Variants in BICRAL observed in about 807,000 individuals in gnomAD.
BICRAL encodes BRD4-interacting chromatin-remodeling complex-associated protein-like.
BICRAL carries 8 observed loss-of-function variants against 91.8 expected under a neutral mutation model. The observed-to-expected ratio is 0.09, with a 90% CI of 0.05 to 0.16. The LOEUF is 0.16. Ranked by LOEUF, BICRAL falls within the 10% of genes least tolerant of loss-of-function variation. BICRAL has a pLI of 1.00. For missense variants in BICRAL, 1,038 were observed against 1,310.9 expected (o/e 0.79, Z 3.21); for synonymous variants, 445 against 491.1 (o/e 0.91, Z 1.24).
At chr6:42,760,448 T>C (rs1762527839) in intron 1 of BICRAL, among the ~76,000 whole-genome samples, 1 of 152,020 alleles carries the variant, frequency 6.6e-6, no homozygotes, top group South Asian at 2.1e-4. Flanking sequence ...TTTGCTTAGC[T>C]GATCAGGAAA....
At chr6:42,788,877 G>A (rs1229347690) in intron 1 of BICRAL, among the ~76,000 whole-genome samples, 2 of 152,112 alleles carry the variant, frequency 1.3e-5, no homozygotes, top group East Asian at 3.9e-4. Context: ...CCAGTCAGCT[G>A]AGTTAGTTGT....
rs142424115 is a variant in BICRAL, at chr6:42,784,733, C to G, written c.-102+2632C>G. On this transcript the variant is annotated intron_variant, in intron 1 of 12. Coordinates refer to ENST00000314073, the MANE Select transcript of BICRAL (RefSeq NM_001393499.1). ...TACACCTATGGTTTCCAAATGTGAG[C>G]ATCAGAATTAATTTGGGAGATGTTT... Among the ~76,000 whole-genome samples, 5 of 152,310 alleles carry G rather than the reference C, an allele frequency of 3.3e-5. No homozygotes were observed. In the East Asian group the frequency reaches 9.6e-4, roughly 29 times the overall value.
intron 5 of BICRAL, among the ~76,000 whole-genome samples, chr6:42,823,832 G>C (rs1302909142): frequency 6.6e-6 from 1 of 152,104 alleles, no homozygotes. Flanking sequence ...GCCTGTGGCA[G>C]AGAATTGCAT....
At position 42,829,350 on chromosome 6, in the gene BICRAL, A is replaced by G; in HGVS notation, c.1017A>G (p.Gln339=). ...TGGGAATTCAGCAGCACCACGTACAACAAGGGATCTCTTTTGCTTCTGCAA... is the reference window on the plus strand; with the variant it reads ...TGGGAATTCAGCAGCACCACGTACAGCAAGGGATCTCTTTTGCTTCTGCAA... ...NNLGIQQHHV[Q]QGISFASASS... Residue 339 remains glutamine (Q), a synonymous_variant, in exon 6 of 13, where the codon CAA becomes CAG. Coordinates refer to ENST00000314073, the MANE Select transcript of BICRAL (RefSeq NM_001393499.1). 1 of 1,614,258 alleles carries G rather than the reference A, an allele frequency of 6.2e-7. No individual in the cohort carries two copies. Among genetic ancestry groups the G allele is most frequent in the Non-Finnish European group, 8.5e-7 (1 of 1,180,042 alleles).
chr6:42,802,778 A>T (rs1359998533), intron 1 of BICRAL, among the ~76,000 whole-genome samples: 2 of 151,764 alleles, frequency 1.3e-5, no homozygotes, highest in Non-Finnish European at 2.9e-5. Context: ...ATGAGGTCTC[A>T]CTATGTTGCC....
chr6:42,863,264 G>T (rs556390078), intron 12 of BICRAL, among the ~76,000 whole-genome samples: 19 of 152,114 alleles, frequency 1.2e-4, no homozygotes, highest in African/African-American at 4.6e-4. Context: ...TAGCCAGGAT[G>T]GTCTCCATCT....
At chr6:42,836,359 A>T (rs1410991778) in intron 6 of BICRAL, among the ~76,000 whole-genome samples, 1 of 152,112 alleles carries the variant, frequency 6.6e-6, no homozygotes, top group Non-Finnish European at 1.5e-5. Context: ...AAAGGTAAAA[A>T]GAAGCCTACA....
intron 1 of BICRAL, among the ~76,000 whole-genome samples, chr6:42,795,446 AAT>A (rs1763393289): frequency 6.6e-6 from 1 of 152,160 alleles, no homozygotes; most frequent in African/African-American, 2.4e-5. Context: ...TAAATAAATA[AAT>A]ATCTATAAAT....
intron 1 of BICRAL, among the ~76,000 whole-genome samples, chr6:42,793,578 C>T (rs1185448383): frequency 4.6e-5 from 7 of 151,690 alleles, no homozygotes; most frequent in South Asian, 4.2e-4. Context: ...CGTGAGCCAC[C>T]GCGCCTGACC....
chr6:42,866,848 G>A lies in BICRAL; in HGVS notation c.*1402G>A, dbSNP rs1488131148. The A allele has an allele frequency of 2.2e-6, 1 of 456,248 alleles. No individual in the cohort carries two copies. Among genetic ancestry groups the A allele is most frequent in the Admixed American group, 2.4e-5 (1 of 42,548 alleles). 28.3% of individuals were successfully genotyped at this position (456,248 alleles called of 1,614,324 possible). A position where few individuals can be genotyped will look rare whatever the true frequency, so the allele number is the denominator to read the frequency against. ...TTCTGTTGTTACCTTTATTCTTAAT[G>A]TCATTGTAACCATCACTTATCTCCT... On this transcript the variant is annotated 3_prime_UTR_variant, in exon 13 of 13. Coordinates refer to ENST00000314073, the MANE Select transcript of BICRAL (RefSeq NM_001393499.1).
At chr6:42,759,641 G>T (rs771646972) in intron 1 of BICRAL, among the ~76,000 whole-genome samples, 11 of 152,148 alleles carry the variant, frequency 7.2e-5, no homozygotes, top group Non-Finnish European at 1.6e-4. Context: ...GGAGCAAGCT[G>T]GTAGGTCCCT....
chr6:42,754,820 C>T (rs1448701606), intron 1 of BICRAL, among the ~76,000 whole-genome samples: 1 of 152,128 alleles, frequency 6.6e-6, no homozygotes, highest in Non-Finnish European at 1.5e-5. Flanking sequence ...TCGCTTGATC[C>T]CAGGAGTTGG....
intron 1 of BICRAL, among the ~76,000 whole-genome samples, chr6:42,774,986 G>A (rs1190328804): frequency 6.6e-6 from 1 of 151,682 alleles, no homozygotes; most frequent in African/African-American, 2.4e-5. Flanking sequence ...AGGCTGGAGT[G>A]CAGTGGCGCC....
At chr6:42,802,840 C>T (rs934752059) in intron 1 of BICRAL, among the ~76,000 whole-genome samples, 1 of 152,128 alleles carries the variant, frequency 6.6e-6, no homozygotes, top group African/African-American at 2.4e-5. Flanking sequence ...CTCAGCCTCC[C>T]AAAGTGCTGA....
Position 42,759,777 on chromosome 6 carries a change from G to A in BICRAL, c.-261+12754G>A, listed in dbSNP as rs187322864. On this transcript the variant is annotated intron_variant, in intron 1 of 14. Transcript: ENST00000614467. ...CTCCTCTTCTGGGAAGCCTATCTGGGTTTCGCCCTCTGTTGGTTCTGGTTA... is the reference window on the plus strand; with the variant it reads ...CTCCTCTTCTGGGAAGCCTATCTGGATTTCGCCCTCTGTTGGTTCTGGTTA... 4.5e-4 allele frequency among the ~76,000 whole-genome samples: 69 copies of A among 152,266 alleles called. 1 individual carries two copies. The highest frequency in any genetic ancestry group is 2.2e-4 in the Non-Finnish European group (15 of 68,028).
intron 11 of BICRAL, among the ~76,000 whole-genome samples, chr6:42,861,747 C>G (rs1319155396): frequency 2.0e-5 from 3 of 152,038 alleles, no homozygotes; most frequent in Admixed American, 6.6e-5. Context: ...GCCTGTAATC[C>G]CAGCACTTTG....
intron 2 of BICRAL, among the ~76,000 whole-genome samples, chr6:42,813,357 T>G (rs1763891280): frequency 6.6e-6 from 1 of 151,886 alleles, no homozygotes; most frequent in Admixed American, 6.6e-5. Flanking sequence ...AAATGACACA[T>G]TATGAAAAAA....
At chr6:42,783,226 C>T (rs1762983394) in intron 1 of BICRAL, among the ~76,000 whole-genome samples, 1 of 151,748 alleles carries the variant, frequency 6.6e-6, no homozygotes, top group Non-Finnish European at 1.5e-5. Context: ...CGAAGCACCG[C>T]CGAGGATCCG....
rs781149928 is a variant in BICRAL, at chr6:42,865,173, C to T, written c.2967C>T (p.Asp989=). 2 of 1,614,138 alleles carry T rather than the reference C, an allele frequency of 1.2e-6. No homozygotes were observed. The highest frequency in any genetic ancestry group is 2.2e-5 in the East Asian group (1 of 44,890). The change falls in exon 13 of 13, where the codon GAC becomes GAT. Residue 989 remains aspartate, a synonymous_variant. Transcript: ENST00000314073. Reference sequence around the variant, plus strand: ...CAAAGAATGAAGTTTTACACACAGACATCATGAAAGGGTCAGGCGAACCCC... The same window carrying T: ...CAAAGAATGAAGTTTTACACACAGATATCATGAAAGGGTCAGGCGAACCCC... The part of the protein sequence containing the change: ...NSPKNEVLHT[D]IMKGSGEPQP...
Sources: gnomAD v4.1 joint callset for allele counts (sites outside exome capture counted in the v4.1 genomes callset) on GRCh38, gnomAD v4.1.1 for gene constraint, MANE v1.5 for transcripts, NCBI Gene and HGNC (gene_info 2026-07-23, HGNC 2026-07-21) for gene names.